Variants in MAP2K1 observed in about 807,000 individuals in gnomAD.
The protein encoded by MAP2K1 is dual specificity mitogen-activated protein kinase kinase 1.
A neutral mutation model predicts 46.3 loss-of-function variants in MAP2K1; 16 were observed. The observed-to-expected ratio is 0.35, with a 90% CI of 0.23 to 0.52. MAP2K1 has a LOEUF of 0.52. MAP2K1 is among the 20% of genes least tolerant of loss of function. The probability of loss-of-function intolerance (pLI) is 0.94; values close to 1 mark genes in which losing one functional copy is unlikely to be tolerated. For synonymous variants in MAP2K1, 183 were observed against 185.6 expected (o/e 0.99, Z 0.11); for missense variants, 263 against 497.1 (o/e 0.53, Z 4.48).
intron 5 of MAP2K1, among the ~76,000 whole-genome samples, chr15:66,459,311 A>AC (rs1328109333): frequency 0.11 from 1,140 of 10,712 alleles, 6 homozygotes; most frequent in Non-Finnish European, 0.31. Context: ...CTCTGTCTCA[A>AC]AAAAAAAAAA....
chr15:66,452,924 A>G (rs1043125222), intron 5 of MAP2K1, among the ~76,000 whole-genome samples: 1 of 152,174 alleles, frequency 6.6e-6, no homozygotes, highest in African/African-American at 2.4e-5. Context: ...GAACATGTCT[A>G]ATTGCTGTGT....
At chr15:66,434,889 A>C in intron 1 of MAP2K1, 138 bp from the exon 2 acceptor site, 1 of 728,452 alleles carries the variant, frequency 1.4e-6, no homozygotes. Context: ...CCACAGTGGG[A>C]GGGGGCCTCC....
chr15:66,409,486 G>A (rs2093406103), intron 1 of MAP2K1, among the ~76,000 whole-genome samples: 1 of 152,120 alleles, frequency 6.6e-6, no homozygotes, highest in Non-Finnish European at 1.5e-5. Context: ...TATGTGACAT[G>A]GGTGGCTGAA....
At chr15:66,454,654 G>A (rs550840733) in intron 5 of MAP2K1, among the ~76,000 whole-genome samples, 1 of 152,288 alleles carries the variant, frequency 6.6e-6, no homozygotes, top group African/African-American at 2.4e-5. Flanking sequence ...GGAGGCTGAG[G>A]TGGGCAGATC....
At chr15:66,417,874 C>T (rs868066451) in intron 1 of MAP2K1, among the ~76,000 whole-genome samples, 2 of 152,154 alleles carry the variant, frequency 1.3e-5, no homozygotes, top group Non-Finnish European at 2.9e-5. Context: ...TTTCATCTGA[C>T]TGTATCTTCC....
At position 66,453,426 on chromosome 15, in the gene MAP2K1, C is replaced by T. The variant is rs536576748; in HGVS notation, c.568+8719C>T. ...TTCTGTGTGGGCTGGCCTGGCTGCT[C>T]AGCATTTCAGACTCCTGTTGTTTAC... On this transcript the variant is annotated intron_variant, in intron 5 of 10. Coordinates refer to ENST00000307102, the MANE Select transcript of MAP2K1 (RefSeq NM_002755.4). 228 of 699,398 alleles carry T rather than the reference C, an allele frequency of 3.3e-4. 4 individuals carry two copies. The highest frequency in any genetic ancestry group is 3.3e-3 in the South Asian group (219 of 67,292). 43.3% of individuals were successfully genotyped at this position (699,398 alleles called of 1,614,324 possible).
chr15:66,420,843 G>A (rs1223302720), intron 1 of MAP2K1, among the ~76,000 whole-genome samples: 2 of 121,614 alleles, frequency 1.6e-5, no homozygotes, highest in South Asian at 2.5e-4. Context: ...ATATATATGT[G>A]TGTATATATA....
chr15:66,420,845 GTATA>G (rs1329552877), intron 1 of MAP2K1, among the ~76,000 whole-genome samples: 3 of 109,716 alleles, frequency 2.7e-5, no homozygotes, highest in African/African-American at 1.0e-4. Flanking sequence ...ATATATGTGT[GTATA>G]TATATGTGTG....
intron 2 of MAP2K1, 59 bp downstream of exon 2, chr15:66,435,296 G>A (rs2093484978): frequency 1.4e-6 from 2 of 1,382,988 alleles, no homozygotes; most frequent in Non-Finnish European, 1.0e-6. Context: ...TAGAAGCCTG[G>A]GGACCAGGGT....
At chr15:66,473,819 C>T (rs1415397749) in intron 5 of MAP2K1, among the ~76,000 whole-genome samples, 1 of 151,966 alleles carries the variant, frequency 6.6e-6, no homozygotes, top group Non-Finnish European at 1.5e-5. Flanking sequence ...CTGGGACTAC[C>T]GGTGCACACC....
At chr15:66,468,745 A>T (rs562773207) in intron 5 of MAP2K1, among the ~76,000 whole-genome samples, 3 of 152,096 alleles carry the variant, frequency 2.0e-5, no homozygotes, top group Non-Finnish European at 4.4e-5. Context: ...AGCCTGGCCA[A>T]CATGGTGAAA....
intron 5 of MAP2K1, among the ~76,000 whole-genome samples, chr15:66,460,688 ACT>A: frequency 6.6e-6 from 1 of 151,844 alleles, no homozygotes; most frequent in Non-Finnish European, 1.5e-5. Flanking sequence ...AAGGAAGAGG[ACT>A]CTACTGTTAC....
At chr15:66,490,137 CTAAG>C (rs751840929) in intron 10 of MAP2K1, 16 of 511,236 alleles carry the variant, frequency 3.1e-5, no homozygotes, top group Non-Finnish European at 5.7e-5. Flanking sequence ...GTGGAAATAG[CTAAG>C]TAATACTGTA....
chr15:66,403,092 A>G (rs775664580), intron 1 of MAP2K1, among the ~76,000 whole-genome samples: 3 of 152,218 alleles, frequency 2.0e-5, no homozygotes, highest in Non-Finnish European at 4.4e-5. Context: ...CCAGACCTAG[A>G]GAGGTGTGAA....
At chr15:66,404,817 A>G (rs565902357) in intron 1 of MAP2K1, among the ~76,000 whole-genome samples, 4 of 152,272 alleles carry the variant, frequency 2.6e-5, no homozygotes, top group Non-Finnish European at 5.9e-5. Context: ...TTCCTGAGGC[A>G]CAGAGGACTT....
At chr15:66,466,733 G>A (rs929722304) in intron 5 of MAP2K1, among the ~76,000 whole-genome samples, 3 of 152,116 alleles carry the variant, frequency 2.0e-5, no homozygotes, top group Non-Finnish European at 2.9e-5. Flanking sequence ...AAAAGTTTCC[G>A]TGACTCTGAA....
chr15:66,387,547 G>A, intron 1 of MAP2K1, 120 bp downstream of exon 1: 1 of 1,005,582 alleles, frequency 9.9e-7, no homozygotes, highest in East Asian at 2.6e-5. Flanking sequence ...GGCAGGGGGC[G>A]AGAAACTCCC....
intron 1 of MAP2K1, among the ~76,000 whole-genome samples, chr15:66,388,918 T>G (rs1368165769): frequency 6.7e-6 from 1 of 150,200 alleles, no homozygotes; most frequent in African/African-American, 2.5e-5. Flanking sequence ...TTTTTTTTTT[T>G]TTTTTGAGTC....
intron 1 of MAP2K1, among the ~76,000 whole-genome samples, chr15:66,429,120 GT>G (rs1261254717): frequency 6.6e-6 from 1 of 151,980 alleles, no homozygotes; most frequent in Non-Finnish European, 1.5e-5. Flanking sequence ...GTATTAGTCT[GT>G]TTTCACACTG....
Sources: gnomAD v4.1 joint callset for allele counts (sites outside exome capture counted in the v4.1 genomes callset) on GRCh38, gnomAD v4.1.1 for gene constraint, MANE v1.5 for transcripts, NCBI Gene and HGNC (gene_info 2026-07-23, HGNC 2026-07-21) for gene names.